The following HERC3 variants were observed in gnomAD, a reference collection of about 807,000 sequenced individuals.
HERC3 encodes the protein probable E3 ubiquitin-protein ligase HERC3.
Under a neutral mutation model 129.9 loss-of-function variants are expected in HERC3, and 58 were observed. That is an observed-to-expected ratio of 0.45 (90% confidence interval 0.36 to 0.56). The LOEUF (loss-of-function observed/expected upper bound fraction) is 0.56, where lower values mean the gene tolerates loss of function less well. Among genes scored for constraint, HERC3 ranks in the 20% least tolerant of loss-of-function variants. The probability of loss-of-function intolerance (pLI) is 0.00; values close to 1 mark genes in which losing one functional copy is unlikely to be tolerated. For synonymous variants in HERC3, 430 were observed against 451.0 expected (o/e 0.95, Z 0.59); for missense variants, 835 against 1,244.2 (o/e 0.67, Z 4.95).
chr4:88,639,671 G>T (rs1440949177), intron 3 of HERC3, among the ~76,000 whole-genome samples: 1 of 152,164 alleles, frequency 6.6e-6, no homozygotes, highest in African/African-American at 2.4e-5. Context: ...CAGGATATAG[G>T]CATGGGCAAG....
rs199802317 is a variant in HERC3, at chr4:88,655,225, G to A, written c.829G>A (p.Asp277Asn). 13 of 1,613,894 alleles carry A rather than the reference G, an allele frequency of 8.1e-6. No homozygotes were observed. In the East Asian group the frequency reaches 2.2e-4, roughly 28 times the overall value. The change falls in exon 8 of 26, where the codon GAC (aspartate) becomes AAC (asparagine). Residue 277 changes from aspartate (D) to asparagine (N), a missense_variant. Physicochemically the swap from Asp to Asn is conservative, Grantham distance 23. Coordinates refer to ENST00000402738, the MANE Select transcript of HERC3 (RefSeq NM_014606.3). ...TGGTTCCTGTGGGCAACTTGGACAC[G>A]ACTCCATGAATGATGAGGTTAACCC... is the stretch of plus-strand genomic sequence containing the variant. ...GAGSCGQLGH[D>N]SMNDEVNPRR...
chr4:88,587,931 C>A (rs980757492), upstream of HERC3, among the ~76,000 whole-genome samples: 3 of 152,194 alleles, frequency 2.0e-5, no homozygotes, highest in African/African-American at 4.8e-5. Flanking sequence ...TATTAAGGGA[C>A]TTTTTAAAAG....
At chr4:88,624,471 ATGAACT>A (rs1441385505) in intron 3 of HERC3, among the ~76,000 whole-genome samples, 2 of 152,156 alleles carry the variant, frequency 1.3e-5, no homozygotes, top group Non-Finnish European at 2.9e-5. Context: ...TTAATGACTA[ATGAACT>A]TGAACAGCTT....
chr4:88,635,011 C>T (rs2924351), intron 3 of HERC3, among the ~76,000 whole-genome samples: 5,893 of 152,068 alleles, frequency 0.039, 330 homozygotes, highest in East Asian at 0.27. Flanking sequence ...TTAGCAGGCT[C>T]AAAGATCGAA....
chr4:88,686,796 C>T lies in HERC3; in HGVS notation c.2568C>T (p.Asn856=), dbSNP rs779328017. The change falls in exon 22 of 26, where the codon AAC becomes AAT. Residue 856 remains asparagine, a synonymous_variant. Transcript: ENST00000402738. ...ATGTGGAGGAGACTTTCTGCCTCAA[C>T]TTCACGGTAAGAATTTCCACAGTTT... The part of the protein sequence containing the change: ...GEDVEETFCL[N]FTICRESYGV... 8 of 1,608,454 alleles carry T rather than the reference C, an allele frequency of 5.0e-6. No individual in the cohort carries two copies. Among genetic ancestry groups the T allele is most frequent in the Non-Finnish European group, 6.8e-6 (8 of 1,175,216 alleles).
At chr4:88,552,377 C>T in the HERC3 span, among the ~76,000 whole-genome samples, 2 of 152,086 alleles carry the variant, frequency 1.3e-5, no homozygotes, top group Non-Finnish European at 2.9e-5. Context: ...CTCAGCCTCC[C>T]TAGTAGCTGA....
At chr4:88,675,141 G>A (rs1732026983) in intron 16 of HERC3, among the ~76,000 whole-genome samples, 2 of 152,204 alleles carry the variant, frequency 1.3e-5, no homozygotes, top group Non-Finnish European at 2.9e-5. Flanking sequence ...TGGCCTGCCT[G>A]CTGTCAGGCC....
intron 2 of HERC3, among the ~76,000 whole-genome samples, chr4:88,604,008 A>T (rs909863069): frequency 2.0e-5 from 3 of 152,060 alleles, no homozygotes; most frequent in Non-Finnish European, 4.4e-5. Context: ...TATAATTCAC[A>T]TACCATAAAA....
At chr4:88,636,209 G>C (rs556833040) in intron 3 of HERC3, among the ~76,000 whole-genome samples, 8 of 152,114 alleles carry the variant, frequency 5.3e-5, no homozygotes, top group Non-Finnish European at 1.2e-4. Context: ...CTGGCAAATT[G>C]GATAGAGTCA....
intron 14 of HERC3, among the ~76,000 whole-genome samples, chr4:88,669,011 C>G (rs1199260227): frequency 6.6e-6 from 1 of 152,076 alleles, no homozygotes; most frequent in African/African-American, 2.4e-5. Context: ...ACCTGACTTT[C>G]AAGTTTTAGA....
intron 23 of HERC3, among the ~76,000 whole-genome samples, chr4:88,694,052 C>T (rs1734346121): frequency 6.6e-6 from 1 of 152,174 alleles, no homozygotes; most frequent in South Asian, 2.1e-4. Flanking sequence ...TCCCTGTATC[C>T]TTAGAGAAGT....
intron 16 of HERC3, among the ~76,000 whole-genome samples, chr4:88,671,532 CT>C (rs1196007087): frequency 2.0e-5 from 3 of 151,290 alleles, no homozygotes; most frequent in Non-Finnish European, 3.0e-5. Flanking sequence ...AAACAAAATA[CT>C]TTTTTTTTGA....
the HERC3 span, among the ~76,000 whole-genome samples, chr4:88,549,225 C>T: frequency 6.6e-6 from 1 of 151,800 alleles, no homozygotes; most frequent in African/African-American, 2.4e-5. Context: ...GTCCTAGCAC[C>T]ATTTTTGGGG....
At chr4:88,633,186 G>A (rs1294177405) in intron 3 of HERC3, among the ~76,000 whole-genome samples, 1 of 152,176 alleles carries the variant, frequency 6.6e-6, no homozygotes, top group Non-Finnish European at 1.5e-5. Flanking sequence ...TGAAGGAAAA[G>A]TCAGAGAATT....
intron 21 of HERC3, among the ~76,000 whole-genome samples, chr4:88,682,065 A>G (rs1440515079): frequency 1.3e-5 from 2 of 152,234 alleles, no homozygotes; most frequent in African/African-American, 4.8e-5. Flanking sequence ...GTGTTTTGTT[A>G]TATGGATATG....
At chr4:88,534,186 C>T in the HERC3 span, among the ~76,000 whole-genome samples, 1 of 152,188 alleles carries the variant, frequency 6.6e-6, no homozygotes, top group African/African-American at 2.4e-5. Context: ...GCTGCTGAAT[C>T]GCAGACCACA....
chr4:88,678,183 G>A (rs754230533), intron 19 of HERC3, 49 bp downstream of exon 19: 1 of 1,523,946 alleles, frequency 6.6e-7, no homozygotes, highest in Non-Finnish European at 9.0e-7. Flanking sequence ...ATTTTTCTTT[G>A]AACAGTGTTG....
the HERC3 span, among the ~76,000 whole-genome samples, chr4:88,549,757 T>G: frequency 6.6e-6 from 1 of 151,326 alleles, no homozygotes; most frequent in Non-Finnish European, 1.5e-5. Flanking sequence ...CAGATGGGAG[T>G]GCAGTGTCGC....
intron 6 of HERC3, among the ~76,000 whole-genome samples, 188 bp downstream of exon 6, chr4:88,653,278 A>G (rs1729492498): frequency 6.6e-6 from 1 of 152,238 alleles, no homozygotes; most frequent in Non-Finnish European, 1.5e-5. Flanking sequence ...AAACCAGTAA[A>G]TACACAGGAT....
Sources: allele counts gnomAD v4.1 joint callset (sites outside exome capture counted in the v4.1 genomes callset), GRCh38; gene constraint gnomAD v4.1.1; transcripts MANE v1.5; gene names NCBI Gene and HGNC (gene_info 2026-07-23, HGNC 2026-07-21).